MPP7: variants seen among roughly 807,000 people sequenced by gnomAD.
MPP7 encodes MAGUK p55 scaffold protein 7, also known as MAGUK p55 subfamily member 7.
In MPP7, 60 loss-of-function variants were observed where a neutral mutation model predicts 76.5. That is an observed-to-expected ratio of 0.78 (90% CI 0.64 to 0.97). The LOEUF (loss-of-function observed/expected upper bound fraction) is 0.97. MPP7 is among the 50% of genes least tolerant of loss of function. MPP7 has a pLI of 0.00. For synonymous variants in MPP7, 237 were observed against 244.5 expected (o/e 0.97, Z 0.29); for missense variants, 641 against 694.0 (o/e 0.92, Z 0.86).
intron 2 of MPP7, among the ~76,000 whole-genome samples, chr10:28,233,129 C>T (rs1383973258): frequency 6.6e-6 from 1 of 152,090 alleles, no homozygotes; most frequent in Non-Finnish European, 1.5e-5. Context: ...CATGGGTTAA[C>T]AATTCTGATA....
chr10:28,195,856 T>G (rs1372492324), intron 3 of MPP7, among the ~76,000 whole-genome samples: 4 of 152,182 alleles, frequency 2.6e-5, no homozygotes, highest in Admixed American at 2.0e-4. Flanking sequence ...TAAATAAAAT[T>G]GATTTTGGCA....
chr10:28,076,034 C>T (rs1852468344), intron 12 of MPP7, among the ~76,000 whole-genome samples: 1 of 152,038 alleles, frequency 6.6e-6, no homozygotes, highest in Admixed American at 6.5e-5. Flanking sequence ...AGTATTTGCC[C>T]CTAGAACGTG....
intron 1 of MPP7, among the ~76,000 whole-genome samples, chr10:28,256,563 A>AAAT (rs1163199027): frequency 1.5e-4 from 23 of 152,240 alleles, no homozygotes; most frequent in Middle Eastern, 3.4e-3. Context: ...TGGTTTTAAA[A>AAAT]AATAATAATA....
At chr10:28,141,371 A>G (rs1835512763) in intron 5 of MPP7, among the ~76,000 whole-genome samples, 1 of 152,150 alleles carries the variant, frequency 6.6e-6, no homozygotes, top group African/African-American at 2.4e-5. Context: ...CCTGCAAGTC[A>G]TATCAAGGCA....
chr10:28,125,007 C>CGTG lies in MPP7; in HGVS notation c.529+2_529+3insCAC, dbSNP rs1834971709. 2 of 1,613,108 alleles carry CGTG rather than the reference C, an allele frequency of 1.2e-6. No homozygotes were observed. The highest frequency in any genetic ancestry group is 1.7e-6 in the Non-Finnish European group (2 of 1,179,122). Reference sequence around the variant, plus strand: ...TGTACTTGGTTAACATTTAAAGTCTCACCACTTCTATCTGCAGCTCCTCCT... The same window carrying CGTG: ...TGTACTTGGTTAACATTTAAAGTCTCGTGACCACTTCTATCTGCAGCTCCTCCT... On this transcript the variant is annotated splice_region_variant and intron_variant, in intron 7 of 16. Transcript: ENST00000683449.
chr10:28,220,228 A>C (rs1838455213), intron 2 of MPP7, among the ~76,000 whole-genome samples: 1 of 152,162 alleles, frequency 6.6e-6, no homozygotes, highest in South Asian at 2.1e-4. Flanking sequence ...AACTGTCAAT[A>C]GTCTGTAGCT....
chr10:28,318,062 G>A (rs1444368402), intron 2 of MPP7, among the ~76,000 whole-genome samples: 2 of 152,152 alleles, frequency 1.3e-5, no homozygotes, highest in Non-Finnish European at 2.9e-5. Context: ...TCTATTTAGA[G>A]CCTTGGCAAC....
chr10:28,219,457 T>C (rs935736622), intron 2 of MPP7, among the ~76,000 whole-genome samples: 3 of 152,266 alleles, frequency 2.0e-5, no homozygotes, highest in Admixed American at 2.0e-4. Context: ...AAAAATTTAC[T>C]GTTAGTCTAG....
chr10:28,264,570 G>C (rs1056406344), intron 1 of MPP7, among the ~76,000 whole-genome samples: 3 of 150,178 alleles, frequency 2.0e-5, no homozygotes, highest in Admixed American at 6.6e-5. Flanking sequence ...TGGCCTCAGG[G>C]AGCTTTTTTT....
In MPP7 at chr10:28,118,062, A is replaced by G. The variant is rs572753960; in HGVS notation, c.952+1589T>C. 8.3e-6 allele frequency: 8 copies of G among 965,050 alleles called. No individual in the cohort carries two copies. The East Asian group carries it at 8.2e-4, about 98-fold the overall frequency. The allele number at this position is 965,050 out of a possible 1,614,324, so 59.8% of individuals were successfully genotyped here. On this transcript the variant is annotated intron_variant, in intron 11 of 16. Coordinates refer to ENST00000683449, the MANE Select transcript of MPP7 (RefSeq NM_001318170.2). The stretch of plus-strand genomic sequence containing the variant: ...AATGAGGACATTTCAGTAAAGATAA[A>G]TGCTAGAATAAATATTTATCAGATC...
chr10:28,107,583 A>G (rs546979924), intron 11 of MPP7, among the ~76,000 whole-genome samples: 1 of 152,218 alleles, frequency 6.6e-6, no homozygotes, highest in East Asian at 1.9e-4. Context: ...ATATTAGCAG[A>G]TTTGATGCAA....
intron 3 of MPP7, among the ~76,000 whole-genome samples, chr10:28,171,040 G>A (rs902685930): frequency 6.6e-6 from 1 of 152,152 alleles, no homozygotes; most frequent in Non-Finnish European, 1.5e-5. Flanking sequence ...CAAAAGGTAA[G>A]TTTAATTATA....
chr10:28,254,646 C>G (rs1326642028), intron 1 of MPP7: 1 of 152,056 alleles, frequency 6.6e-6, no homozygotes, highest in East Asian at 1.9e-4. Flanking sequence ...ATGCAGATAA[C>G]CACAATATAG....
intron 13 of MPP7, among the ~76,000 whole-genome samples, chr10:28,064,776 C>A (rs1433523009): frequency 6.6e-6 from 1 of 152,134 alleles, no homozygotes; most frequent in East Asian, 1.9e-4. Flanking sequence ...GTTTTTCATA[C>A]CTGTTCTGCA....
At chr10:28,065,607 G>A (rs1851958883) in intron 13 of MPP7, among the ~76,000 whole-genome samples, 2 of 152,116 alleles carry the variant, frequency 1.3e-5, no homozygotes, top group African/African-American at 4.8e-5. Flanking sequence ...ACCAGTTAAG[G>A]CAAAATAGAA....
chr10:28,282,570 A>T (rs1418159871), intron 1 of MPP7, among the ~76,000 whole-genome samples: 2 of 152,024 alleles, frequency 1.3e-5, no homozygotes, highest in Admixed American at 1.3e-4. Flanking sequence ...AAACCAAGAC[A>T]ATGGGCAAAC....
chr10:28,227,475 AC>A (rs1189387051), intron 2 of MPP7, among the ~76,000 whole-genome samples: 2 of 151,242 alleles, frequency 1.3e-5, no homozygotes, highest in Non-Finnish European at 2.9e-5. Flanking sequence ...CCCACCCCCA[AC>A]CCCCGACAGG....
At chr10:28,249,572 G>C (rs1031869534) in intron 1 of MPP7, among the ~76,000 whole-genome samples, 5 of 152,180 alleles carry the variant, frequency 3.3e-5, no homozygotes, top group Non-Finnish European at 5.9e-5. Flanking sequence ...GCAACAGAGA[G>C]AGACTTTGTA....
At chr10:28,067,012 T>A (rs1239881324) in intron 13 of MPP7, among the ~76,000 whole-genome samples, 1 of 152,214 alleles carries the variant, frequency 6.6e-6, no homozygotes, top group Admixed American at 6.5e-5. Flanking sequence ...AATAGCTCAG[T>A]ACGTGTCTTT....
Sources: allele counts gnomAD v4.1 joint callset (sites outside exome capture counted in the v4.1 genomes callset), GRCh38; gene constraint gnomAD v4.1.1; transcripts MANE v1.5; gene names NCBI Gene and HGNC (gene_info 2026-07-23, HGNC 2026-07-21).